SASH1: variants seen among roughly 807,000 people sequenced by gnomAD.
The protein encoded by SASH1 is SAM and SH3 domain-containing protein 1.
A neutral mutation model predicts 125.2 loss-of-function variants in SASH1; 44 were observed. That is an observed-to-expected ratio of 0.35 (90% CI 0.28 to 0.45). The LOEUF is 0.45. Among genes scored for constraint, SASH1 ranks in the 20% least tolerant of loss-of-function variants. The pLI is 1.00. For synonymous variants in SASH1, 639 were observed against 649.1 expected (o/e 0.98, Z 0.24); for missense variants, 1,426 against 1,614.5 (o/e 0.88, Z 2.00).
chr6:148,296,482 C>T (rs899488466), intron 1 of SASH1, among the ~76,000 whole-genome samples: 4 of 152,132 alleles, frequency 2.6e-5, no homozygotes, highest in African/African-American at 9.7e-5. Flanking sequence ...AAGTAGTAGA[C>T]TTACTTAGCA....
chr6:148,250,572 T>TAAA, the SASH1 span, among the ~76,000 whole-genome samples: 5 of 141,370 alleles, frequency 3.5e-5, no homozygotes, highest in Admixed American at 7.1e-5. Context: ...GCCTTAGTCT[T>TAAA]AAAAAAAAAA....
the SASH1 span, among the ~76,000 whole-genome samples, chr6:148,201,505 G>C: frequency 1.3e-5 from 2 of 152,238 alleles, no homozygotes; most frequent in Admixed American, 6.5e-5. Context: ...CAGTGGCCTA[G>C]GGTGGGACCC....
At chr6:148,412,974 T>C (rs1242432569) in intron 2 of SASH1, among the ~76,000 whole-genome samples, 1 of 152,206 alleles carries the variant, frequency 6.6e-6, no homozygotes, top group East Asian at 1.9e-4. Context: ...TTTACCATTT[T>C]GGAAACTGTA....
At chr6:148,193,741 A>G in the SASH1 span, among the ~76,000 whole-genome samples, 2 of 152,238 alleles carry the variant, frequency 1.3e-5, no homozygotes, top group Admixed American at 1.3e-4. Flanking sequence ...ACTCTTGCTT[A>G]TTACTTTAAG....
At position 148,356,070 on chromosome 6, in the gene SASH1, GTTT is replaced by G. The variant is rs200129121; in HGVS notation, c.156+12860_156+12862del. Among the ~76,000 whole-genome samples, 21 of 139,800 alleles carry G rather than the reference GTTT, an allele frequency of 1.5e-4. No homozygotes were observed. The South Asian group carries it at 2.0e-3, about 13-fold the overall frequency. The allele number at this position is 139,800 out of a possible 152,430, so 91.7% of individuals were successfully genotyped here. A position where few individuals can be genotyped will look rare whatever the true frequency, so the allele number is the denominator to read the frequency against. ...CCCCCAAAGTCCATTGTATCATTCT[GTTT>G]TTTTTTTTTTTTCTTTTCTTTTCTT... On this transcript the variant is annotated intron_variant, in intron 1 of 19. Transcript: ENST00000367467.
chr6:148,419,684 A>G (rs953607112), intron 2 of SASH1, among the ~76,000 whole-genome samples: 4 of 152,048 alleles, frequency 2.6e-5, no homozygotes, highest in East Asian at 1.9e-4. Flanking sequence ...AGCAGGTCCT[A>G]ATAGGTTTCC....
rs1476499864 is a variant in SASH1 at position 148,437,857 on chromosome 6, A to G, written c.286-2327A>G. The stretch of plus-strand genomic sequence containing the variant: ...TTAATATGGTTGTTAATAAGCAACT[A>G]CTTTGTATGCAGGGGCAGGTACGTT... On this transcript the variant is annotated intron_variant, in intron 2 of 19. Transcript: ENST00000367467. 2.6e-5 allele frequency among the ~76,000 whole-genome samples: 4 copies of G among 152,250 alleles called. No homozygotes were observed. The South Asian group carries it at 6.2e-4, about 24-fold the overall frequency.
chr6:148,228,363 C>G, the SASH1 span, among the ~76,000 whole-genome samples: 1 of 152,150 alleles, frequency 6.6e-6, no homozygotes, highest in Admixed American at 6.6e-5. Flanking sequence ...AGAGACAAAA[C>G]TGTCAAAGAA....
intron 1 of SASH1, among the ~76,000 whole-genome samples, chr6:148,364,729 AAGGGTTCTGACCATAGGAAACAT>A (rs1782379113): frequency 6.6e-6 from 1 of 152,186 alleles, no homozygotes; most frequent in Non-Finnish European, 1.5e-5. Context: ...CATCATCCCC[AAGGGTTCTGACCATAGGAAACAT>A]TGCAAAATAG....
chr6:148,509,214 A>G (rs1002821858), intron 8 of SASH1: 8 of 277,550 alleles, frequency 2.9e-5, no homozygotes, highest in African/African-American at 1.5e-4. Context: ...TCATAAGCTT[A>G]TATCTGATTG....
intron 2 of SASH1, among the ~76,000 whole-genome samples, chr6:148,414,896 G>A (rs941020031): frequency 3.9e-5 from 6 of 152,106 alleles, no homozygotes; most frequent in African/African-American, 7.2e-5. Flanking sequence ...CACCCACCTC[G>A]GCCTCCCAAA....
rs563606525 is a variant in SASH1, at chr6:148,459,394, G to A, written c.387-9151G>A. ...TGGCCCAGACACAACCAGACCATGGGCCTCCCCTGTGGAGAGATGGCATTT... is the reference window on the plus strand; with the variant it reads ...TGGCCCAGACACAACCAGACCATGGACCTCCCCTGTGGAGAGATGGCATTT... On this transcript the variant is annotated intron_variant, in intron 4 of 19. Coordinates refer to ENST00000367467, the MANE Select transcript of SASH1 (RefSeq NM_015278.5). Among the ~76,000 whole-genome samples, 6 of 152,302 alleles carry A rather than the reference G, an allele frequency of 3.9e-5. No homozygotes were observed. In the South Asian group the frequency reaches 1.2e-3, roughly 32 times the overall value.
intron 1 of SASH1, among the ~76,000 whole-genome samples, chr6:148,373,029 TA>T (rs1782758804): frequency 6.6e-6 from 1 of 152,000 alleles, no homozygotes; most frequent in Non-Finnish European, 1.5e-5. Flanking sequence ...CTGTCTCTAC[TA>T]AAAATATAAA....
chr6:148,445,034 A>T (rs1456758730), intron 4 of SASH1, among the ~76,000 whole-genome samples: 1 of 152,180 alleles, frequency 6.6e-6, no homozygotes, highest in African/African-American at 2.4e-5. Flanking sequence ...GTAAACTGTC[A>T]TGGTGCTGCT....
At chr6:148,509,573 G>T (rs1297953692) in intron 8 of SASH1, among the ~76,000 whole-genome samples, 2 of 152,130 alleles carry the variant, frequency 1.3e-5, no homozygotes, top group East Asian at 3.9e-4. Flanking sequence ...GTTGCTCCTT[G>T]CAAATTGGTT....
At chr6:148,361,542 T>C (rs1205185330) in intron 1 of SASH1, among the ~76,000 whole-genome samples, 1 of 151,160 alleles carries the variant, frequency 6.6e-6, no homozygotes, top group Non-Finnish European at 1.5e-5. Flanking sequence ...GCAGAGGTTG[T>C]GGTGAGCTGA....
chr6:148,328,856 G>C (rs1254762583), intron 1 of SASH1, among the ~76,000 whole-genome samples: 1 of 152,150 alleles, frequency 6.6e-6, no homozygotes, highest in Non-Finnish European at 1.5e-5. Context: ...TGTTGGTTTT[G>C]ATCACTAAAA....
intron 2 of SASH1, among the ~76,000 whole-genome samples, chr6:148,433,406 C>CTTTTTT (rs5880780): frequency 6.2e-5 from 8 of 128,006 alleles, no homozygotes; most frequent in Non-Finnish European, 9.7e-5. Flanking sequence ...TTTCTTTTTT[C>CTTTTTT]TTTTTTTTTT....
rs1554273831 is a variant in SASH1 at position 148,542,879 on chromosome 6, T to TGCGC, written c.2210-796_2210-793dup. Among the ~76,000 whole-genome samples the TGCGC allele has an allele frequency of 9.4e-3, 1,305 of 138,896 alleles. 49 individuals are homozygous for TGCGC. Among genetic ancestry groups the TGCGC allele is most frequent in the South Asian group, 0.015 (63 of 4,254 alleles). The allele number at this position is 138,896 out of a possible 152,430, so 91.1% of individuals were successfully genotyped here. On this transcript the variant is annotated intron_variant, in intron 17 of 19. Coordinates refer to ENST00000367467, the MANE Select transcript of SASH1 (RefSeq NM_015278.5). ...GTGTGTGTGTGTGTGTGTGTGTGTG[T>TGCGC]GCGCGCGCACATGTAAGTACTGATG...
Sources: gnomAD v4.1 joint callset for allele counts (sites outside exome capture counted in the v4.1 genomes callset) on GRCh38, gnomAD v4.1.1 for gene constraint, MANE v1.5 for transcripts, NCBI Gene and HGNC (gene_info 2026-07-23, HGNC 2026-07-21) for gene names.